Variants in ZNF768 observed in about 807,000 individuals in gnomAD.
ZNF768 encodes the protein zinc finger protein 768.
Under a neutral mutation model 39.7 loss-of-function variants are expected in ZNF768, and 12 were observed. That is an observed-to-expected ratio of 0.30 (90% CI 0.19 to 0.49). The LOEUF (loss-of-function observed/expected upper bound fraction) is 0.49. Among genes scored for constraint, ZNF768 ranks in the 20% least tolerant of loss-of-function variants. The pLI is 0.99. For missense variants in ZNF768, 613 were observed against 723.2 expected (o/e 0.85, Z 1.75); for synonymous variants, 360 against 288.4 (o/e 1.25, Z -2.52).
chr16:30,524,825 C>G lies in ZNF768; in HGVS notation c.1315G>C (p.Gly439Arg). ...TGGATGGCCAGCACCGAGCTCTGGC[C>G]AAAGCGCTTGCCGCACTCAGGGCAC... The part of the protein sequence containing the change: ...FKCPECGKRF[G>R]QSSVLAIHAR... The change falls in exon 2 of 2, where the codon GGC becomes CGC. Residue 439 changes from glycine (G) to arginine (R), a missense_variant. Around this residue, in one of 4 missense-constraint regions of ZNF768, gnomAD observed 204 missense variants for 281.7 expected, o/e 0.72. Transcript: ENST00000380412. 1 of 1,610,682 alleles carries G rather than the reference C, an allele frequency of 6.2e-7. No individual in the cohort carries two copies. Among genetic ancestry groups the G allele is most frequent in the Non-Finnish European group, 8.5e-7 (1 of 1,179,688 alleles).
At chr16:30,529,141 A>G (rs1264316838), upstream of ZNF768, among the ~76,000 whole-genome samples, 1 of 152,178 alleles carries the variant, frequency 6.6e-6, no homozygotes, top group African/African-American at 2.4e-5. Flanking sequence ...GGACTTCACA[A>G]GGAAGCCAGC....
chr16:30,526,054 G>A lies in ZNF768; in HGVS notation c.89-3C>T. On this transcript the variant is annotated splice_polypyrimidine_tract_variant and splice_region_variant and intron_variant, in intron 1 of 1. Coordinates refer to ENST00000380412, the MANE Select transcript of ZNF768 (RefSeq NM_024671.4). ...TTCCTCATTCTCACTCATGTTGCCTGCAGGATGAGAGAATCCAGATCGTGT... is the reference window on the plus strand; with the variant it reads ...TTCCTCATTCTCACTCATGTTGCCTACAGGATGAGAGAATCCAGATCGTGT... 1 of 1,496,208 alleles carries A rather than the reference G, an allele frequency of 6.7e-7. No individual in the cohort carries two copies. The highest frequency in any genetic ancestry group is 8.9e-7 in the Non-Finnish European group (1 of 1,125,910). The allele number at this position is 1,496,208 out of a possible 1,614,324, so 92.7% of individuals were successfully genotyped here. A position where few individuals can be genotyped will look rare whatever the true frequency, so the allele number is the denominator to read the frequency against.
At chr16:30,529,713 A>G (rs1044936731), upstream of ZNF768, among the ~76,000 whole-genome samples, 1 of 152,138 alleles carries the variant, frequency 6.6e-6, no homozygotes, top group Non-Finnish European at 1.5e-5. Flanking sequence ...CAGTTTGAAA[A>G]TAATGTTTTG....
chr16:30,530,161 C>T (rs1004384339), upstream of ZNF768, among the ~76,000 whole-genome samples: 1 of 152,014 alleles, frequency 6.6e-6, no homozygotes, highest in African/African-American at 2.4e-5. The surrounding 1 kb of genome is among the most constrained non-coding windows in gnomAD (Gnocchi z 4.4). Flanking sequence ...GATACTTAGC[C>T]TGGCCCTACC....
In ZNF768 at chr16:30,525,989, C is replaced by T. The variant is rs377346143; in HGVS notation, c.151G>A (p.Val51Ile). 194 of 1,502,762 alleles carry T rather than the reference C, an allele frequency of 1.3e-4. No individual in the cohort carries two copies. Among genetic ancestry groups the T allele is most frequent in the Non-Finnish European group, 1.7e-4 (189 of 1,129,034 alleles). The allele number at this position is 1,502,762 out of a possible 1,614,324, so 93.1% of individuals were successfully genotyped here. Reference sequence around the variant, plus strand: ...TCAAGCCCAAATGGTATCTCTTCGACTTCATAGTCCCCACTGCCTTCTTGC... The same window carrying T: ...TCAAGCCCAAATGGTATCTCTTCGATTTCATAGTCCCCACTGCCTTCTTGC... ...SQQEGSGDYE[V>I]EEIPFGLEPQ... The change falls in exon 2 of 2, where the codon GTC becomes ATC. Residue 51 changes from valine (V) to isoleucine (I), a missense_variant. Val to Ile is a conservative substitution (Grantham distance 29, BLOSUM62 3). Coordinates refer to ENST00000380412, the MANE Select transcript of ZNF768 (RefSeq NM_024671.4).
upstream of ZNF768, among the ~76,000 whole-genome samples, chr16:30,529,665 G>C (rs896279619): frequency 4.6e-5 from 7 of 152,192 alleles, no homozygotes; most frequent in Non-Finnish European, 7.3e-5. Flanking sequence ...ATTGGGGACA[G>C]GCCCTGGGAC....
intron 1 of ZNF768, 82 bp from the exon 2 acceptor site, chr16:30,526,133 T>A: frequency 6.7e-7 from 1 of 1,493,128 alleles, no homozygotes; most frequent in Non-Finnish European, 8.9e-7. Context: ...CCACCTCACA[T>A]GCAGGGTCGC....
At chr16:30,526,708 G>T, upstream of ZNF768, 1 of 902,448 alleles carries the variant, frequency 1.1e-6, no homozygotes, top group Non-Finnish European at 1.3e-6. Flanking sequence ...CTACCCCGGC[G>T]GCCCCCGGCC....
In ZNF768 at chr16:30,526,430, T is replaced by C. The variant is rs1597119000; in HGVS notation, c.-17A>G. On this transcript the variant is annotated 5_prime_UTR_variant, in exon 1 of 2. Coordinates refer to ENST00000380412, the MANE Select transcript of ZNF768 (RefSeq NM_024671.4). ...CCGCTCCATCCCCGCGGGCTCCCAG[T>C]GCAGCGGCGGCGGCGATGGCGGCCG... 2.6e-6 allele frequency: 4 copies of C among 1,538,776 alleles called. No homozygotes were observed. Among genetic ancestry groups the C allele is most frequent in the Non-Finnish European group, 3.5e-6 (4 of 1,144,986 alleles).
upstream of ZNF768, chr16:30,530,342 A>G (rs2051358641): frequency 6.6e-6 from 1 of 152,218 alleles, no homozygotes; most frequent in Non-Finnish European, 1.5e-5. The surrounding 1 kb of genome is among the most constrained non-coding windows in gnomAD (Gnocchi z 4.4). Flanking sequence ...TAAACTTTAC[A>G]AACTTCAAAG....
chr16:30,524,213 C>G lies in ZNF768; in HGVS notation c.*304G>C. 2.6e-5 allele frequency: 6 copies of G among 231,646 alleles called. No individual in the cohort carries two copies. Among genetic ancestry groups the G allele is most frequent in the Non-Finnish European group, 5.1e-5 (6 of 116,976 alleles). 14.3% of individuals were successfully genotyped at this position (231,646 alleles called of 1,614,324 possible). ...CACTCTAATTAGGTAATCCCCTGCC[C>G]TCCCCCCTCCCTGCTCTAGCAGTTG... On this transcript the variant is annotated 3_prime_UTR_variant, in exon 2 of 2. Coordinates refer to ENST00000380412, the MANE Select transcript of ZNF768 (RefSeq NM_024671.4).
chr16:30,527,284 G>T, upstream of ZNF768: 1 of 986,132 alleles, frequency 1.0e-6, no homozygotes, highest in Non-Finnish European at 1.2e-6. Flanking sequence ...GCCCGCTCCC[G>T]TTCCTCCGGC....
At chr16:30,529,532 T>A (rs1442254933), upstream of ZNF768, among the ~76,000 whole-genome samples, 1 of 152,082 alleles carries the variant, frequency 6.6e-6, no homozygotes, top group East Asian at 1.9e-4. Flanking sequence ...AGCCCTTCCA[T>A]CCGATGCTAG....
At chr16:30,526,917 G>A (rs1367415637), upstream of ZNF768, 4 of 985,514 alleles carry the variant, frequency 4.1e-6, no homozygotes, top group East Asian at 1.1e-4. Flanking sequence ...CTGGGCTGGA[G>A]GGGCCCGGCC....
Position 30,524,797 on chromosome 16 carries a change from G to A in ZNF768, c.1343C>T (p.Ala448Val). Residue 448 changes from alanine to valine, a missense_variant, in exon 2 of 2, where the codon GCC becomes GTC. Physicochemically the swap from Ala to Val is moderately conservative, Grantham distance 64 (BLOSUM62 0). Coordinates refer to ENST00000380412, the MANE Select transcript of ZNF768 (RefSeq NM_024671.4). Reference sequence around the variant, plus strand: ...GGTGCGGCCTGGCAGGTGGGTGCGGGCGTGGATGGCCAGCACCGAGCTCTG... The same window carrying A: ...GGTGCGGCCTGGCAGGTGGGTGCGGACGTGGATGGCCAGCACCGAGCTCTG... ...FGQSSVLAIH[A>V]RTHLPGRTYS... The A allele has an allele frequency of 6.2e-7, 1 of 1,610,916 alleles. No homozygotes were observed. The highest frequency in any genetic ancestry group is 8.5e-7 in the Non-Finnish European group (1 of 1,179,562).
At position 30,524,094 on chromosome 16, in the gene ZNF768, AG is replaced by A. The variant is rs1217823021; in HGVS notation, c.*422del. 2 of 193,170 alleles carry A rather than the reference AG, an allele frequency of 1.0e-5. No individual in the cohort carries two copies. Among genetic ancestry groups the A allele is most frequent in the African/African-American group, 4.7e-5 (2 of 42,528 alleles). The allele number at this position is 193,170 out of a possible 1,614,324, so 12.0% of individuals were successfully genotyped here. A position where few individuals can be genotyped will look rare whatever the true frequency, so the allele number is the denominator to read the frequency against. ...GGCTGGGGTTTGCACGCAGAGGCCC[AG>A]GCCCCACCCCGGGGCCCCACTCCCC... On this transcript the variant is annotated 3_prime_UTR_variant, in exon 2 of 2. Transcript: ENST00000380412.
chr16:30,525,773 G>A lies in ZNF768; in HGVS notation c.367C>T (p.Pro123Ser). 6.3e-7 allele frequency: 1 copy of A among 1,584,588 alleles called. No individual in the cohort carries two copies. Among genetic ancestry groups the A allele is most frequent in the Non-Finnish European group, 8.6e-7 (1 of 1,168,730 alleles). ...CGAGGTTCATAGCCAGGGCTTTGGGGTTCATACCTAGGGCTCTGGGATTCA... is the reference window on the plus strand; with the variant it reads ...CGAGGTTCATAGCCAGGGCTTTGGGATTCATACCTAGGGCTCTGGGATTCA... ...EFESQSPRYE[P>S]QSPGYEPRSP... Residue 123 changes from proline (P) to serine (S), a missense_variant, in exon 2 of 2, where the codon CCC (proline) becomes TCC (serine). This residue lies in a region of ZNF768 where 347 missense variants were observed against 326.1 expected (regional missense o/e 1.06). Transcript: ENST00000380412.
upstream of ZNF768, chr16:30,527,238 C>G (rs1292797735): frequency 1.0e-6 from 1 of 985,532 alleles, no homozygotes; most frequent in African/African-American, 1.7e-5. Context: ...AGCCTGGGAC[C>G]CCCTCCAGGA....
chr16:30,525,981 C>T lies in ZNF768; in HGVS notation c.159G>A (p.Glu53=), dbSNP rs374205115. 8.0e-6 allele frequency: 12 copies of T among 1,505,258 alleles called. No homozygotes were observed. In the African/African-American group the frequency reaches 1.1e-4, roughly 14 times the overall value. The allele number at this position is 1,505,258 out of a possible 1,614,324, so 93.2% of individuals were successfully genotyped here. ...TCTGGGGTTCAAGCCCAAATGGTAT[C>T]TCTTCGACTTCATAGTCCCCACTGC... ...QEGSGDYEVE[E]IPFGLEPQSP... Residue 53 remains glutamate (E), a synonymous_variant, in exon 2 of 2, where the codon GAG becomes GAA. Coordinates refer to ENST00000380412, the MANE Select transcript of ZNF768 (RefSeq NM_024671.4).
Sources: gnomAD v4.1 joint callset for allele counts (sites outside exome capture counted in the v4.1 genomes callset) on GRCh38, gnomAD v4.1.1 for gene constraint, gnomAD v4.1.1 regional missense constraint, Gnocchi (gnomAD v3.1) non-coding constraint, MANE v1.5 for transcripts, NCBI Gene and HGNC (gene_info 2026-07-23, HGNC 2026-07-21) for gene names.